The following SLC39A11 variants were observed in gnomAD, a reference collection of about 807,000 sequenced individuals.
The protein encoded by SLC39A11 is solute carrier family 39 member 11, also known as zinc transporter ZIP11.
A neutral mutation model predicts 36.1 loss-of-function variants in SLC39A11; 33 were observed. That is an observed-to-expected ratio of 0.91 (90% CI 0.69 to 1.22). The LOEUF is 1.22. SLC39A11 is among the 50% of genes most tolerant of loss of function. The probability of loss-of-function intolerance (pLI) is 0.00; values close to 1 mark genes in which losing one functional copy is unlikely to be tolerated. For missense variants in SLC39A11, 432 were observed against 430.3 expected, an observed-to-expected ratio of 1.00 and a Z score of -0.03; for synonymous variants, 166 against 170.3, an observed-to-expected ratio of 0.97 and a Z score of 0.20.
chr17:72,737,628 C>T (rs2074487236), intron 6 of SLC39A11, among the ~76,000 whole-genome samples: 1 of 152,062 alleles, frequency 6.6e-6, no homozygotes, highest in African/African-American at 2.4e-5. Context: ...CTCATAGTTG[C>T]AAAGTGACTG....
chr17:72,825,154 T>C (rs1324627108), intron 6 of SLC39A11, among the ~76,000 whole-genome samples: 1 of 140,932 alleles, frequency 7.1e-6, no homozygotes, highest in Non-Finnish European at 1.7e-5. Context: ...AGAATGGTTT[T>C]GCAGACCAGA....
chr17:73,008,772 G>A (rs937993040), intron 4 of SLC39A11, among the ~76,000 whole-genome samples: 2 of 152,230 alleles, frequency 1.3e-5, no homozygotes, highest in East Asian at 3.9e-4. Flanking sequence ...TGACGTTCTC[G>A]GCCAGGCACA....
intron 4 of SLC39A11, among the ~76,000 whole-genome samples, chr17:72,961,052 G>A (rs908960109): frequency 2.0e-5 from 3 of 152,102 alleles, no homozygotes; most frequent in African/African-American, 7.2e-5. Context: ...GCACAAAAGA[G>A]CCAGCATGAA....
chr17:72,960,457 G>C (rs190544535), intron 4 of SLC39A11, among the ~76,000 whole-genome samples: 1 of 152,160 alleles, frequency 6.6e-6, no homozygotes, highest in East Asian at 1.9e-4. Context: ...AGTCATACCA[G>C]CTGGAGATTA....
rs561042573 is a variant in SLC39A11 at position 73,019,561 on chromosome 17, T to C, written c.306+11995A>G. On this transcript the variant is annotated intron_variant, in intron 4 of 9. Coordinates refer to ENST00000255559, the MANE Select transcript of SLC39A11 (RefSeq NM_139177.4). ...TACAATGTTAATTCAAGGTAGACCATGATAAGTTAAGGAAACTGTAATCCC... is the reference window on the plus strand; with the variant it reads ...TACAATGTTAATTCAAGGTAGACCACGATAAGTTAAGGAAACTGTAATCCC... Among the ~76,000 whole-genome samples, 178 of 152,268 alleles carry C rather than the reference T, an allele frequency of 1.2e-3. 1 individual carries two copies. The highest frequency in any genetic ancestry group is 4.0e-3 in the African/African-American group (168 of 41,566).
chr17:72,962,989 C>T (rs78988585), intron 4 of SLC39A11, among the ~76,000 whole-genome samples: 13,377 of 151,814 alleles, frequency 0.088, 859 homozygotes, highest in African/African-American at 0.17. Context: ...CAAGGAAGGC[C>T]CACTCTCTCT....
At chr17:72,951,396 T>C (rs1401433242) in intron 4 of SLC39A11, among the ~76,000 whole-genome samples, 1 of 152,118 alleles carries the variant, frequency 6.6e-6, no homozygotes, top group Non-Finnish European at 1.5e-5. Context: ...CTCTTTTTAC[T>C]GTAAAGAGAA....
intron 7 of SLC39A11, among the ~76,000 whole-genome samples, chr17:72,731,440 G>A (rs893911840): frequency 6.6e-6 from 1 of 152,030 alleles, no homozygotes; most frequent in African/African-American, 2.4e-5. Flanking sequence ...TCATGGGGGC[G>A]GCTTTCCTCC....
intron 5 of SLC39A11, among the ~76,000 whole-genome samples, chr17:72,910,525 G>A (rs2082923802): frequency 6.6e-6 from 1 of 151,060 alleles, no homozygotes; most frequent in Non-Finnish European, 1.5e-5. Context: ...TCAGGAGGCT[G>A]AGGTGCGAGA....
intron 5 of SLC39A11, among the ~76,000 whole-genome samples, chr17:72,942,762 A>G (rs2085195208): frequency 6.6e-6 from 1 of 152,208 alleles, no homozygotes; most frequent in Non-Finnish European, 1.5e-5. Context: ...GGCTGAGCTT[A>G]TAGCGAGAAC....
intron 5 of SLC39A11, among the ~76,000 whole-genome samples, chr17:72,897,321 C>G (rs770304315): frequency 6.6e-6 from 1 of 152,188 alleles, no homozygotes; most frequent in Non-Finnish European, 1.5e-5. Flanking sequence ...ATGCAGTCAT[C>G]TAATATAACC....
chr17:72,919,726 C>T (rs2083544349), intron 5 of SLC39A11, among the ~76,000 whole-genome samples: 1 of 150,882 alleles, frequency 6.6e-6, no homozygotes, highest in Non-Finnish European at 1.5e-5. Context: ...AGCCAGAACC[C>T]TCTGCCTGTG....
intron 5 of SLC39A11, among the ~76,000 whole-genome samples, chr17:72,900,534 G>A (rs1286620019): frequency 6.6e-6 from 1 of 152,138 alleles, no homozygotes; most frequent in African/African-American, 2.4e-5. Context: ...GATCCTGGAA[G>A]TCTATGGTTA....
chr17:72,767,955 G>A (rs1436442146), intron 6 of SLC39A11, among the ~76,000 whole-genome samples: 1 of 145,486 alleles, frequency 6.9e-6, no homozygotes, highest in Admixed American at 6.8e-5. Context: ...TAGGTTATGC[G>A]TTTTTTTCAA....
intron 5 of SLC39A11, among the ~76,000 whole-genome samples, chr17:72,888,540 T>C (rs2146675781): frequency 1.3e-5 from 2 of 152,298 alleles, no homozygotes; most frequent in Non-Finnish European, 2.9e-5. Context: ...GAAGGCATGA[T>C]CTTTTCAGAG....
chr17:72,744,522 A>G (rs1019761775), intron 6 of SLC39A11, among the ~76,000 whole-genome samples: 11 of 152,188 alleles, frequency 7.2e-5, no homozygotes, highest in South Asian at 4.1e-4. Context: ...TTCTTTTTCA[A>G]TGGAGCCATA....
chr17:72,787,933 T>C (rs951069125), intron 6 of SLC39A11, among the ~76,000 whole-genome samples: 3 of 152,152 alleles, frequency 2.0e-5, no homozygotes, highest in Admixed American at 6.6e-5. Flanking sequence ...CTGTTGTAGG[T>C]AGATATATCA....
At chr17:73,026,759 C>T (rs979842164) in intron 4 of SLC39A11, among the ~76,000 whole-genome samples, 3 of 152,042 alleles carry the variant, frequency 2.0e-5, no homozygotes, top group African/African-American at 2.4e-5. Flanking sequence ...TGGGGACACA[C>T]ACACACTACC....
At chr17:72,940,258 C>T (rs2085016769) in intron 5 of SLC39A11, among the ~76,000 whole-genome samples, 1 of 149,926 alleles carries the variant, frequency 6.7e-6, no homozygotes, top group Non-Finnish European at 1.5e-5. Context: ...CTTAAAAGAT[C>T]AGACTTAGAG....
Sources: gnomAD v4.1 joint callset for allele counts (sites outside exome capture counted in the v4.1 genomes callset) on GRCh38, gnomAD v4.1.1 for gene constraint, MANE v1.5 for transcripts, NCBI Gene and HGNC (gene_info 2026-07-23, HGNC 2026-07-21) for gene names.